Variants in JAKMIP2 observed in about 807,000 individuals in gnomAD.
JAKMIP2 encodes the protein janus kinase and microtubule-interacting protein 2.
A neutral mutation model predicts 115.0 loss-of-function variants in JAKMIP2; 25 were observed. That is an observed-to-expected ratio of 0.22 (90% CI 0.16 to 0.30). The LOEUF (loss-of-function observed/expected upper bound fraction) is 0.30. Among genes scored for constraint, JAKMIP2 ranks in the 10% least tolerant of loss-of-function variants. The pLI, the probability that JAKMIP2 is intolerant of heterozygous loss-of-function variation, is 1.00. For synonymous variants in JAKMIP2, 334 were observed against 343.6 expected (o/e 0.97, Z 0.31); for missense variants, 642 against 957.6 (o/e 0.67, Z 4.35).
At chr5:147,676,160 C>T (rs1759944515) in intron 1 of JAKMIP2, among the ~76,000 whole-genome samples, 3 of 152,086 alleles carry the variant, frequency 2.0e-5, no homozygotes, top group Admixed American at 2.0e-4. Context: ...GGTGAAACCC[C>T]GTCTCTACTA....
chr5:147,618,207 C>CTTATAG, intron 18 of JAKMIP2, 93 bp from the exon 19 acceptor site: 1 of 900,190 alleles, frequency 1.1e-6, no homozygotes, highest in Non-Finnish European at 1.8e-6. Context: ...TATATGGCTG[C>CTTATAG]CAACTTTAGG....
rs765156129 is a variant in JAKMIP2 at position 147,620,672 on chromosome 5, T to C, written c.2136A>G (p.Ala712=). 3 of 1,611,798 alleles carry C rather than the reference T, an allele frequency of 1.9e-6. No homozygotes were observed. The highest frequency in any genetic ancestry group is 2.2e-5 in the East Asian group (1 of 44,780). The change falls in exon 18 of 22, where the codon GCA becomes GCG. Residue 712 remains alanine (A), a synonymous_variant. Coordinates refer to ENST00000616793, the MANE Select transcript of JAKMIP2 (RefSeq NM_001270941.2). ...TATCACTTGTTGTACCTACCATATA[T>C]GCTTGGTCAAGAGCTTGTTTTCTGT... is the stretch of plus-strand genomic sequence containing the variant. ...LDYRKQALDQ[A]YMRIQELEAT...
At chr5:147,754,559 T>C (rs1337735728) in intron 1 of JAKMIP2, among the ~76,000 whole-genome samples, 1 of 152,138 alleles carries the variant, frequency 6.6e-6, no homozygotes, top group Non-Finnish European at 1.5e-5. Context: ...CAGCTCTCAC[T>C]TTAAGGATGA....
chr5:147,668,992 G>T (rs994270320), intron 2 of JAKMIP2, among the ~76,000 whole-genome samples: 14 of 152,124 alleles, frequency 9.2e-5, no homozygotes, highest in Non-Finnish European at 1.8e-4. Context: ...TATTTGTCTT[G>T]CTGGATAAAT....
At chr5:147,632,551 G>C (rs563670481) in intron 13 of JAKMIP2, 129 bp downstream of exon 13, 2 of 651,574 alleles carry the variant, frequency 3.1e-6, no homozygotes, top group Admixed American at 5.7e-5. Context: ...ATATAATTTT[G>C]AGGGTGATTG....
intron 1 of JAKMIP2, among the ~76,000 whole-genome samples, chr5:147,780,033 A>G (rs765485155): frequency 6.6e-6 from 1 of 152,172 alleles, no homozygotes; most frequent in Non-Finnish European, 1.5e-5. Flanking sequence ...TCCTGTGCTT[A>G]TGCCCCATGC....
chr5:147,601,473 C>T (rs1442846549), intron 21 of JAKMIP2, among the ~76,000 whole-genome samples: 2 of 152,014 alleles, frequency 1.3e-5, no homozygotes, highest in Non-Finnish European at 2.9e-5. Context: ...GTGACACATG[C>T]CTGTAGTCCC....
At chr5:147,728,566 T>C (rs1378912460) in intron 1 of JAKMIP2, among the ~76,000 whole-genome samples, 2 of 152,218 alleles carry the variant, frequency 1.3e-5, no homozygotes, top group East Asian at 3.8e-4. Context: ...TGTGTATTTA[T>C]ATTTGTTGTG....
chr5:147,615,866 C>T (rs1407175244), intron 19 of JAKMIP2, among the ~76,000 whole-genome samples: 1 of 151,996 alleles, frequency 6.6e-6, no homozygotes. Context: ...CAGATTCACA[C>T]AGAGAACATT....
At chr5:147,702,646 A>AAGAAAG (rs1235792535) in intron 1 of JAKMIP2, among the ~76,000 whole-genome samples, 1 of 133,566 alleles carries the variant, frequency 7.5e-6, no homozygotes, top group African/African-American at 3.1e-5. Flanking sequence ...GAAAGAAAGA[A>AAGAAAG]AGAAAGAAAG....
rs1478540276 is a variant in JAKMIP2, at chr5:147,586,597, T to C, written c.*5110A>G. The C allele has an allele frequency of 1.3e-5, 2 of 152,046 alleles. No homozygotes were observed. Among genetic ancestry groups the C allele is most frequent in the Non-Finnish European group, 2.9e-5 (2 of 68,012 alleles). 9.4% of individuals were successfully genotyped at this position (152,046 alleles called of 1,614,324 possible). A position where few individuals can be genotyped will look rare whatever the true frequency, so the allele number is the denominator to read the frequency against. Reference sequence around the variant, plus strand: ...AATATAAGCATGGGTACAAAGACCGTAATGCAGAAAAAAACAAAAACAGGA... The same window carrying C: ...AATATAAGCATGGGTACAAAGACCGCAATGCAGAAAAAAACAAAAACAGGA... On this transcript the variant is annotated 3_prime_UTR_variant, in exon 22 of 22. Transcript: ENST00000616793.
chr5:147,687,416 T>C (rs184865332), intron 1 of JAKMIP2, among the ~76,000 whole-genome samples: 26 of 152,270 alleles, frequency 1.7e-4, no homozygotes, highest in Non-Finnish European at 2.8e-4. Context: ...CTACTGGTAC[T>C]CAGAGGAGGA....
chr5:147,628,674 T>A (rs1561500987), intron 16 of JAKMIP2, 77 bp downstream of exon 16: 4 of 1,051,794 alleles, frequency 3.8e-6, no homozygotes, highest in Middle Eastern at 2.0e-4. Context: ...AGAGGGAATG[T>A]CCTTCACACC....
At chr5:147,657,913 A>G (rs964545661) in intron 3 of JAKMIP2, among the ~76,000 whole-genome samples, 1 of 151,914 alleles carries the variant, frequency 6.6e-6, no homozygotes, top group Non-Finnish European at 1.5e-5. Context: ...GTAACCTTTT[A>G]TCAAGGTTCT....
intron 1 of JAKMIP2, among the ~76,000 whole-genome samples, chr5:147,726,162 C>T (rs1753508718): frequency 6.6e-6 from 1 of 152,128 alleles, no homozygotes; most frequent in African/African-American, 2.4e-5. Flanking sequence ...AACACTTGGT[C>T]GGAAGGATCA....
chr5:147,592,758 A>C (rs1263520564), intron 21 of JAKMIP2, among the ~76,000 whole-genome samples: 1 of 152,214 alleles, frequency 6.6e-6, no homozygotes, highest in Non-Finnish European at 1.5e-5. Flanking sequence ...ATTATTCCAG[A>C]AATGTTAAAT....
At chr5:147,702,906 C>T (rs984027516) in intron 1 of JAKMIP2, among the ~76,000 whole-genome samples, 2 of 152,056 alleles carry the variant, frequency 1.3e-5, no homozygotes, top group Non-Finnish European at 2.9e-5. Flanking sequence ...TTGGGAAACT[C>T]TGCAATAAAT....
chr5:147,636,805 C>T (rs2116768), intron 11 of JAKMIP2, among the ~76,000 whole-genome samples, 160 bp downstream of exon 11: 32,511 of 152,012 alleles, frequency 0.21, 4,233 homozygotes, highest in East Asian at 0.47. Flanking sequence ...AGAAAAACAC[C>T]AGAGACAGAA....
At chr5:147,737,077 A>C (rs1318924612) in intron 1 of JAKMIP2, among the ~76,000 whole-genome samples, 2 of 152,220 alleles carry the variant, frequency 1.3e-5, no homozygotes, top group Non-Finnish European at 1.5e-5. Context: ...TTATTGTAAT[A>C]GAAATTTTGA....
Sources: allele counts gnomAD v4.1 joint callset (sites outside exome capture counted in the v4.1 genomes callset), GRCh38; gene constraint gnomAD v4.1.1; transcripts MANE v1.5; gene names NCBI Gene and HGNC (gene_info 2026-07-23, HGNC 2026-07-21).